The following OSBPL3 variants were observed in gnomAD, a reference collection of about 807,000 sequenced individuals.
The protein encoded by OSBPL3 is oxysterol-binding protein-related protein 3.
Under a neutral mutation model 120.1 loss-of-function variants are expected in OSBPL3, and 65 were observed. The observed-to-expected ratio is 0.54, with a 90% CI of 0.44 to 0.67. The LOEUF (loss-of-function observed/expected upper bound fraction) is 0.67, where lower values mean the gene tolerates loss of function less well. Ranked by LOEUF, OSBPL3 falls within the 30% of genes least tolerant of loss-of-function variation. The pLI is 0.00. For synonymous variants in OSBPL3, 416 were observed against 402.6 expected (o/e 1.03, Z -0.40); for missense variants, 1,004 against 1,082.1 (o/e 0.93, Z 1.01).
At position 24,965,441 on chromosome 7, in the gene OSBPL3, T is replaced by C. The variant is rs752022021; in HGVS notation, c.-150+14445A>G. 2.6e-4 allele frequency among the ~76,000 whole-genome samples: 39 copies of C among 152,176 alleles called. No homozygotes were observed. The highest frequency in any genetic ancestry group is 3.2e-3 in the Middle Eastern group (1 of 316). On this transcript the variant is annotated intron_variant, in intron 1 of 22. Transcript: ENST00000313367. This position sits in a 1 kb window ranked among gnomAD's most constrained non-coding sequence, Gnocchi z 4.3. ...AACATATATTAAAGTGATTTACAAA[T>C]GTGGAAGTGTTATATAAAATAAGGG...
rs890493468 is a variant in OSBPL3, at chr7:24,966,785, G to A, written c.-150+13101C>T. Among the ~76,000 whole-genome samples, 15 of 152,138 alleles carry A rather than the reference G, an allele frequency of 9.9e-5. No homozygotes were observed. The highest frequency in any genetic ancestry group is 8.5e-4 in the Admixed American group (13 of 15,270). On this transcript the variant is annotated intron_variant, in intron 1 of 22. Coordinates refer to ENST00000313367, the MANE Select transcript of OSBPL3 (RefSeq NM_015550.4). The surrounding 1 kb of genome is among the most constrained non-coding windows in gnomAD (Gnocchi z 4.8). ...AAAGAACTGCTAGTACAAACACAAC[G>A]CCTCTCTAAAGAGGCTGGGCTTGTT...
Position 24,955,125 on chromosome 7 carries a change from C to T in OSBPL3, c.-150+24761G>A, listed in dbSNP as rs1171328159. On this transcript the variant is annotated intron_variant, in intron 1 of 22. Transcript: ENST00000313367. This position sits in a 1 kb window ranked among gnomAD's most constrained non-coding sequence, Gnocchi z 4.3. Reference sequence around the variant, plus strand: ...AGCAGGGATTTTCTTTTGTTCACTACTATACATATTACCAACATTTGAACA... The same window carrying T: ...AGCAGGGATTTTCTTTTGTTCACTATTATACATATTACCAACATTTGAACA... 6.6e-6 allele frequency among the ~76,000 whole-genome samples: 1 copy of T among 152,194 alleles called. No homozygotes were observed.
chr7:24,959,212 A>G lies in OSBPL3; in HGVS notation c.-150+20674T>C, dbSNP rs887853056. On this transcript the variant is annotated intron_variant, in intron 1 of 22. Transcript: ENST00000313367. This position sits in a 1 kb window ranked among gnomAD's most constrained non-coding sequence, Gnocchi z 4.3. ...CATATGTTAACTCTGTGACCCAGCA[A>G]TTCTACTCCTTGGTATATACTCAAT... 1.3e-5 allele frequency among the ~76,000 whole-genome samples: 2 copies of G among 152,186 alleles called. No individual in the cohort carries two copies. The highest frequency in any genetic ancestry group is 1.9e-4 in the East Asian group (1 of 5,198).
chr7:24,859,477 T>A (rs1584405888), intron 10 of OSBPL3, among the ~76,000 whole-genome samples: 1 of 152,224 alleles, frequency 6.6e-6, no homozygotes, highest in South Asian at 2.1e-4. Flanking sequence ...ATCATACCTA[T>A]ATATTGTTTT....
chr7:24,860,175 A>G (rs980417072), intron 10 of OSBPL3, among the ~76,000 whole-genome samples: 4 of 152,192 alleles, frequency 2.6e-5, no homozygotes, highest in African/African-American at 9.6e-5. Context: ...TGTAACCAGC[A>G]CCACAATCAG....
At chr7:24,908,517 T>C (rs2128408452) in intron 1 of OSBPL3, among the ~76,000 whole-genome samples, 1 of 152,320 alleles carries the variant, frequency 6.6e-6, no homozygotes, top group East Asian at 1.9e-4. Context: ...GATTCATCAT[T>C]AAGGTCTAGA....
chr7:24,897,450 C>G (rs1330980721), intron 1 of OSBPL3, among the ~76,000 whole-genome samples: 1 of 151,006 alleles, frequency 6.6e-6, no homozygotes, highest in Non-Finnish European at 1.5e-5. Flanking sequence ...CTCAGCCTCC[C>G]GAGTAGCTGG....
intron 1 of OSBPL3, among the ~76,000 whole-genome samples, chr7:24,910,890 T>G (rs1808728760): frequency 6.6e-6 from 1 of 152,216 alleles, no homozygotes; most frequent in Admixed American, 6.5e-5. Context: ...CAACCCCGGC[T>G]GCGTGACAGG....
rs1468085539 is a variant in OSBPL3, at chr7:24,809,910, T to G, written c.2214A>C (p.Thr738=). The part of the protein sequence containing the change: ...WSTNAHEIEG[T]VFDRSGKAVH... ...CCGCTTTTCCACTCCTGTCAAACAC[T>G]GTGCCTTCAATCTCATGGGCATTAG... Residue 738 remains threonine (T), a synonymous_variant, in exon 20 of 23, where the codon ACA becomes ACC. Transcript: ENST00000313367. 1 of 1,614,198 alleles carries G rather than the reference T, an allele frequency of 6.2e-7. No individual in the cohort carries two copies. Among genetic ancestry groups the G allele is most frequent in the South Asian group, 1.1e-5 (1 of 91,088 alleles).
chr7:24,956,947 T>C (rs989949797), intron 1 of OSBPL3, among the ~76,000 whole-genome samples: 1 of 152,154 alleles, frequency 6.6e-6, no homozygotes, highest in African/African-American at 2.4e-5. Flanking sequence ...TCAATTAAAG[T>C]GGTAAGATTT....
chr7:24,840,632 C>T, intron 14 of OSBPL3, 58 bp downstream of exon 14: 1 of 703,486 alleles, frequency 1.4e-6, no homozygotes, highest in Non-Finnish European at 2.4e-6. Flanking sequence ...AACTATACAA[C>T]TTATTAGTAT....
At position 24,818,298 on chromosome 7, in the gene OSBPL3, C is replaced by T. The variant is rs911173753; in HGVS notation, c.1949-1610G>A. On this transcript the variant is annotated intron_variant, in intron 17 of 22. Coordinates refer to ENST00000313367, the MANE Select transcript of OSBPL3 (RefSeq NM_015550.4). The surrounding 1 kb of genome is among the most constrained non-coding windows in gnomAD (Gnocchi z 4.0). ...AAACCATTGAATTGTACACTTTACA[C>T]GGGTGAATGATATGGTATATAAGTT... Among the ~76,000 whole-genome samples the T allele has an allele frequency of 5.3e-5, 8 of 151,896 alleles. No homozygotes were observed. Among genetic ancestry groups the T allele is most frequent in the South Asian group, 2.1e-4 (1 of 4,818 alleles).
intron 1 of OSBPL3, among the ~76,000 whole-genome samples, chr7:24,901,451 C>T (rs1807022608): frequency 6.6e-6 from 1 of 152,200 alleles, no homozygotes; most frequent in Non-Finnish European, 1.5e-5. Context: ...AGGACATTAG[C>T]TGCAATCTGG....
chr7:24,818,579 T>C lies in OSBPL3; in HGVS notation c.1948+1596A>G, dbSNP rs541554229. Among the ~76,000 whole-genome samples, 1 of 152,222 alleles carries C rather than the reference T, an allele frequency of 6.6e-6. No individual in the cohort carries two copies. Among genetic ancestry groups the C allele is most frequent in the South Asian group, 2.1e-4 (1 of 4,816 alleles). ...TTTAACAAGAAACAAAACAGGTAAGTATAGCTAATAAGCTAACAGGGGAGA... is the reference window on the plus strand; with the variant it reads ...TTTAACAAGAAACAAAACAGGTAAGCATAGCTAATAAGCTAACAGGGGAGA... On this transcript the variant is annotated intron_variant, in intron 17 of 22. Coordinates refer to ENST00000313367, the MANE Select transcript of OSBPL3 (RefSeq NM_015550.4). The surrounding 1 kb of genome is among the most constrained non-coding windows in gnomAD (Gnocchi z 4.0).
Position 24,940,624 on chromosome 7 carries a change from G to A in OSBPL3, c.-150+39262C>T, listed in dbSNP as rs1026695351. On this transcript the variant is annotated intron_variant, in intron 1 of 22. Transcript: ENST00000313367. This position sits in a 1 kb window ranked among gnomAD's most constrained non-coding sequence, Gnocchi z 4.4. The stretch of plus-strand genomic sequence containing the variant: ...CACCAGTGTTTGGCCACTGGAGCGG[G>A]CGGCTGAGGTGGTATGGGAGGTACC... 6.6e-6 allele frequency among the ~76,000 whole-genome samples: 1 copy of A among 152,056 alleles called. No homozygotes were observed. The highest frequency in any genetic ancestry group is 2.1e-4 in the South Asian group (1 of 4,812).
chr7:24,869,726 G>T (rs1035252255), intron 5 of OSBPL3, among the ~76,000 whole-genome samples: 3 of 152,162 alleles, frequency 2.0e-5, no homozygotes, highest in Admixed American at 6.5e-5. Flanking sequence ...ATACAGTTAG[G>T]CTAGGAAATA....
At chr7:24,844,450 T>C (rs1313620069) in intron 12 of OSBPL3, among the ~76,000 whole-genome samples, 1 of 152,056 alleles carries the variant, frequency 6.6e-6, no homozygotes, top group Non-Finnish European at 1.5e-5. Context: ...ACAATTCTTC[T>C]TCTTCCAATG....
chr7:24,874,817 C>T (rs1030551388), intron 2 of OSBPL3, among the ~76,000 whole-genome samples: 1 of 152,128 alleles, frequency 6.6e-6, no homozygotes, highest in Non-Finnish European at 1.5e-5. Context: ...GCAGTGCAAC[C>T]AACTCCTTTT....
intron 1 of OSBPL3, among the ~76,000 whole-genome samples, chr7:24,905,532 G>C (rs781057963): frequency 6.6e-5 from 10 of 152,160 alleles, no homozygotes; most frequent in African/African-American, 2.4e-4. Context: ...TACCAACCCT[G>C]GCTGCAAACT....
Sources: allele counts gnomAD v4.1 joint callset (sites outside exome capture counted in the v4.1 genomes callset), GRCh38; gene constraint gnomAD v4.1.1; non-coding constraint Gnocchi (gnomAD v3.1); transcripts MANE v1.5; gene names NCBI Gene and HGNC (gene_info 2026-07-23, HGNC 2026-07-21).